The following PRUNE2 variants were observed in gnomAD, a reference collection of about 807,000 sequenced individuals.
PRUNE2 encodes protein prune homolog 2.
In PRUNE2, 164 loss-of-function variants were observed where a neutral mutation model predicts 252.0. That is an observed-to-expected ratio of 0.65 (90% CI 0.57 to 0.74). The LOEUF (loss-of-function observed/expected upper bound fraction) is 0.74, where lower values mean the gene tolerates loss of function less well. Among genes scored for constraint, PRUNE2 ranks in the 30% least tolerant of loss-of-function variants. The pLI is 0.00. For synonymous variants in PRUNE2, 1,292 were observed against 1,350.2 expected, an observed-to-expected ratio of 0.96 and a Z score of 0.94; for missense variants, 3,495 against 3,711.0, an observed-to-expected ratio of 0.94 and a Z score of 1.51.
At chr9:76,677,687 C>T (rs559535421) in intron 9 of PRUNE2, among the ~76,000 whole-genome samples, 1 of 152,154 alleles carries the variant, frequency 6.6e-6, no homozygotes, top group Non-Finnish European at 1.5e-5. Flanking sequence ...GCATTAAATT[C>T]CTTTATCTTT....
At chr9:76,811,314 T>C (rs2057342635) in intron 6 of PRUNE2, among the ~76,000 whole-genome samples, 1 of 152,210 alleles carries the variant, frequency 6.6e-6, no homozygotes, top group Admixed American at 6.5e-5. Context: ...AAGTTCCAAG[T>C]GTCACATATA....
chr9:76,760,200 T>C (rs759364070), intron 6 of PRUNE2, among the ~76,000 whole-genome samples: 3 of 152,156 alleles, frequency 2.0e-5, no homozygotes, highest in Non-Finnish European at 4.4e-5. Context: ...TACTGCAACC[T>C]GAGCACCCGG....
At chr9:76,760,285 A>G (rs2051574582) in intron 6 of PRUNE2, among the ~76,000 whole-genome samples, 1 of 152,176 alleles carries the variant, frequency 6.6e-6, no homozygotes. Context: ...TTTCTCCATC[A>G]CACACCAGCT....
At chr9:76,631,876 C>G (rs1564381365) in intron 15 of PRUNE2, among the ~76,000 whole-genome samples, 1 of 152,168 alleles carries the variant, frequency 6.6e-6, no homozygotes. Flanking sequence ...ATGTTCAGCT[C>G]CCACTTATAA....
chr9:76,710,676 G>A lies in PRUNE2; in HGVS notation c.1598C>T (p.Pro533Leu). Residue 533 changes from proline (P) to leucine (L), a missense_variant, in exon 8 of 19, where the codon CCC (proline) becomes CTC (leucine). By Grantham distance (98) the Pro-to-Leu change is moderately conservative. Coordinates refer to ENST00000376718, the MANE Select transcript of PRUNE2 (RefSeq NM_015225.3). ...GCCATCAAGTCCTTCAGGCCCAGCG[G>A]GGAGCTGTCCTTCTGACAGGTCACT... ...PNSDLSEGQL[P>L]AGPEGLDGMG... 6.2e-7 allele frequency: 1 copy of A among 1,612,346 alleles called. No individual in the cohort carries two copies. Among genetic ancestry groups the A allele is most frequent in the African/African-American group, 1.3e-5 (1 of 75,026 alleles).
At chr9:76,666,728 C>T (rs891875863) in intron 9 of PRUNE2, among the ~76,000 whole-genome samples, 3 of 152,088 alleles carry the variant, frequency 2.0e-5, no homozygotes, top group Admixed American at 6.5e-5. Context: ...TGGTAGTGGT[C>T]CCCCGGGCCC....
At chr9:76,615,151 A>C in intron 18 of PRUNE2, 1 of 985,714 alleles carries the variant, frequency 1.0e-6, no homozygotes, top group South Asian at 4.7e-5. Flanking sequence ...AGAAGGTCAA[A>C]TGGGTTCCCA....
intron 9 of PRUNE2, among the ~76,000 whole-genome samples, chr9:76,685,930 G>A (rs910958829): frequency 2.6e-5 from 4 of 152,176 alleles, no homozygotes; most frequent in African/African-American, 9.7e-5. Flanking sequence ...TCTCCAGGGA[G>A]AGAGAGAAAC....
chr9:76,652,807 GAA>G, intron 10 of PRUNE2, 124 bp from the exon 11 acceptor site: 1 of 662,410 alleles, frequency 1.5e-6, no homozygotes. Flanking sequence ...ACGTGTCAAG[GAA>G]ATACTCACTG....
At chr9:76,878,962 G>A (rs979535666) in intron 1 of PRUNE2, among the ~76,000 whole-genome samples, 1 of 152,012 alleles carries the variant, frequency 6.6e-6, no homozygotes, top group African/African-American at 2.4e-5. Context: ...TCTTACATTG[G>A]AATAGCTTTA....
intron 9 of PRUNE2, chr9:76,692,241 A>G (rs1458194919): frequency 7.1e-6 from 5 of 700,180 alleles, no homozygotes; most frequent in Non-Finnish European, 1.3e-5. Context: ...TGCCTCCCAG[A>G]TCTCCCCATG....
intron 11 of PRUNE2, among the ~76,000 whole-genome samples, chr9:76,646,125 A>G (rs2133029195): frequency 6.6e-6 from 1 of 152,316 alleles, no homozygotes; most frequent in South Asian, 2.1e-4. Context: ...TTTTACAAAG[A>G]GACTGTGAGT....
intron 11 of PRUNE2, among the ~76,000 whole-genome samples, chr9:76,649,446 T>C (rs1846296233): frequency 6.6e-6 from 1 of 152,052 alleles, no homozygotes; most frequent in Non-Finnish European, 1.5e-5. Flanking sequence ...ATTAGCTGGG[T>C]ATGGTGGCAC....
At chr9:76,827,961 A>C (rs1466397477) in intron 4 of PRUNE2, among the ~76,000 whole-genome samples, 1 of 152,228 alleles carries the variant, frequency 6.6e-6, no homozygotes, top group Non-Finnish European at 1.5e-5. Context: ...ACAATTACTG[A>C]GTGCCTTTTA....
chr9:76,704,392 T>C (rs565271642), intron 8 of PRUNE2, among the ~76,000 whole-genome samples: 8 of 152,078 alleles, frequency 5.3e-5, no homozygotes, highest in African/African-American at 1.9e-4. Context: ...GCCCAGCTAA[T>C]TTTTGTATTT....
intron 10 of PRUNE2, among the ~76,000 whole-genome samples, 152 bp from the exon 11 acceptor site, chr9:76,652,835 C>T (rs907202295): frequency 9.2e-5 from 14 of 152,158 alleles, no homozygotes; most frequent in Non-Finnish European, 5.9e-5. Flanking sequence ...TTTTGGATTT[C>T]AGAATTTTGA....
At chr9:76,762,463 A>G (rs768335825) in intron 6 of PRUNE2, among the ~76,000 whole-genome samples, 3 of 152,200 alleles carry the variant, frequency 2.0e-5, no homozygotes, top group Non-Finnish European at 4.4e-5. Context: ...TTTCTGGAAG[A>G]GGCCCATCTT....
chr9:76,653,824 G>A (rs1848297760), intron 10 of PRUNE2, among the ~76,000 whole-genome samples: 1 of 152,070 alleles, frequency 6.6e-6, no homozygotes, highest in African/African-American at 2.4e-5. Flanking sequence ...TAACATAAGT[G>A]ACAATCTTAT....
rs191367929 is a variant in PRUNE2 at position 76,701,706 on chromosome 9, A to G, written c.8276+1631T>C. ...ATGAAGCTGCCCTGGAATATGGTAGAGCTTTTAACCCCTTCTGCACTTGGC... is the reference window on the plus strand; with the variant it reads ...ATGAAGCTGCCCTGGAATATGGTAGGGCTTTTAACCCCTTCTGCACTTGGC... On this transcript the variant is annotated intron_variant, in intron 9 of 18. Transcript: ENST00000376718. Among the ~76,000 whole-genome samples the G allele has an allele frequency of 1.4e-3, 213 of 152,314 alleles. 1 individual carries two copies. The highest frequency in any genetic ancestry group is 4.8e-3 in the African/African-American group (199 of 41,560).
Sources: gnomAD v4.1 joint callset for allele counts (sites outside exome capture counted in the v4.1 genomes callset) on GRCh38, gnomAD v4.1.1 for gene constraint, MANE v1.5 for transcripts, NCBI Gene and HGNC (gene_info 2026-07-23, HGNC 2026-07-21) for gene names.